EXTL3: variants seen among roughly 807,000 people sequenced by gnomAD.
EXTL3 encodes the protein exostosin like glycosyltransferase 3, also known as exostosin-like 3.
EXTL3 carries 27 observed loss-of-function variants against 69.3 expected under a neutral mutation model. That is an observed-to-expected ratio of 0.39 (90% CI 0.29 to 0.54). EXTL3 has a LOEUF of 0.54. EXTL3 is among the 20% of genes least tolerant of loss of function. EXTL3 has a pLI of 0.69. For synonymous variants in EXTL3, 511 were observed against 499.4 expected, an observed-to-expected ratio of 1.02 and a Z score of -0.31; for missense variants, 1,003 against 1,231.8, an observed-to-expected ratio of 0.81 and a Z score of 2.78.
intron 1 of EXTL3, among the ~76,000 whole-genome samples, chr8:28,638,906 C>T (rs1806698720): frequency 6.6e-6 from 1 of 151,560 alleles, no homozygotes; most frequent in Non-Finnish European, 1.5e-5. Flanking sequence ...ACTGGGATTA[C>T]AGGTGTGAGC....
At chr8:28,608,438 C>T (rs935379592) in intron 2 of EXTL3, among the ~76,000 whole-genome samples, 1 of 152,090 alleles carries the variant, frequency 6.6e-6, no homozygotes, top group Non-Finnish European at 1.5e-5. Context: ...CTTTGATTTA[C>T]CCAATCAACA....
rs35165519 is a variant in EXTL3, at chr8:28,715,973, G to T, written c.-87G>T. On this transcript the variant is annotated 5_prime_UTR_variant, in exon 3 of 7. Coordinates refer to ENST00000220562, the MANE Select transcript of EXTL3 (RefSeq NM_001440.4). ...CACTAACTCTTCTGGAAACGTGTCAGTGAAACAGAGATCGTTTTGTGGAAT... is the reference window on the plus strand; with the variant it reads ...CACTAACTCTTCTGGAAACGTGTCATTGAAACAGAGATCGTTTTGTGGAAT... 2 of 1,112,784 alleles carry T rather than the reference G, an allele frequency of 1.8e-6. No individual in the cohort carries two copies. The highest frequency in any genetic ancestry group is 1.3e-6 in the Non-Finnish European group (1 of 760,436). The allele number at this position is 1,112,784 out of a possible 1,614,324, so 68.9% of individuals were successfully genotyped here. A position where few individuals can be genotyped will look rare whatever the true frequency, so the allele number is the denominator to read the frequency against.
chr8:28,712,298 G>A (rs1268016015), intron 1 of EXTL3, among the ~76,000 whole-genome samples: 3 of 152,172 alleles, frequency 2.0e-5, no homozygotes, highest in Non-Finnish European at 4.4e-5. Context: ...GGGGAAGAGC[G>A]ATGGTAACTG....
At chr8:28,756,148 A>C (rs1473424252), downstream of EXTL3, among the ~76,000 whole-genome samples, 1 of 152,154 alleles carries the variant, frequency 6.6e-6, no homozygotes, top group East Asian at 1.9e-4. Context: ...CATTCTTTTG[A>C]GTTCTGACAA....
intron 1 of EXTL3, among the ~76,000 whole-genome samples, chr8:28,649,372 T>C (rs1806882640): frequency 6.6e-6 from 1 of 152,238 alleles, no homozygotes; most frequent in Non-Finnish European, 1.5e-5. Context: ...TTGCTTCTCC[T>C]CTGTCTCTAC....
chr8:28,747,663 T>C (rs185636953), intron 6 of EXTL3, among the ~76,000 whole-genome samples: 3 of 152,188 alleles, frequency 2.0e-5, no homozygotes, highest in African/African-American at 7.2e-5. Flanking sequence ...ACTTATTTAT[T>C]TATACATACA....
chr8:28,702,354 C>CGCGGGGCGTGTGTGCGCG (rs1469803061), intron 1 of EXTL3, among the ~76,000 whole-genome samples: 1 of 152,198 alleles, frequency 6.6e-6, no homozygotes, highest in Non-Finnish European at 1.5e-5. Flanking sequence ...GACAGGGGTG[C>CGCGGGGCGTGTGTGCGCG]GCGGGGCGTG....
chr8:28,718,230 G>C, intron 3 of EXTL3, 23 bp downstream of exon 3: 2 of 1,606,974 alleles, frequency 1.2e-6, no homozygotes, highest in South Asian at 2.2e-5. Flanking sequence ...CGAACAGTTC[G>C]TTTTGGTGCA....
At chr8:28,664,417 G>A (rs1453161626) in intron 1 of EXTL3, among the ~76,000 whole-genome samples, 2 of 152,044 alleles carry the variant, frequency 1.3e-5, no homozygotes, top group African/African-American at 4.8e-5. Flanking sequence ...GGGTCTTGCT[G>A]TGTCACCCAG....
chr8:28,738,745 A>C (rs542203026), intron 5 of EXTL3, among the ~76,000 whole-genome samples: 24 of 152,364 alleles, frequency 1.6e-4, no homozygotes, highest in South Asian at 8.3e-4. Context: ...GGCACAGGGC[A>C]GGTGTAGGGA....
chr8:28,671,781 G>A (rs1056915071), intron 1 of EXTL3, among the ~76,000 whole-genome samples: 3 of 152,200 alleles, frequency 2.0e-5, no homozygotes, highest in Non-Finnish European at 4.4e-5. Flanking sequence ...ACTTTGTGAG[G>A]AAAAGGGAAC....
At chr8:28,628,367 AT>A (rs1327190041) in intron 1 of EXTL3, among the ~76,000 whole-genome samples, 2 of 151,976 alleles carry the variant, frequency 1.3e-5, no homozygotes, top group African/African-American at 4.8e-5. Context: ...ATCTCAAAAA[AT>A]AAAAAGAAAT....
At chr8:28,675,634 G>A (rs576298736) in intron 1 of EXTL3, among the ~76,000 whole-genome samples, 239 of 152,294 alleles carry the variant, frequency 1.6e-3, no homozygotes, top group African/African-American at 5.7e-3. Flanking sequence ...CCCAGTAGGT[G>A]GAAGGAACAT....
chr8:28,711,973 G>A lies in EXTL3; in HGVS notation c.-569-1484G>A, dbSNP rs146420259. ...GGACACTGGGCTGGGTGCTGGCCAC[G>A]CAGCAGTGATCCAAACACAAAGGGT... is the stretch of plus-strand genomic sequence containing the variant. On this transcript the variant is annotated intron_variant, in intron 1 of 6. Coordinates refer to ENST00000220562, the MANE Select transcript of EXTL3 (RefSeq NM_001440.4). Among the ~76,000 whole-genome samples, 218 of 152,290 alleles carry A rather than the reference G, an allele frequency of 1.4e-3. 2 individuals carry two copies. Among genetic ancestry groups the A allele is most frequent in the African/African-American group, 4.9e-3 (205 of 41,564 alleles).
intron 1 of EXTL3, among the ~76,000 whole-genome samples, chr8:28,635,209 C>T (rs1806633763): frequency 6.6e-6 from 1 of 151,876 alleles, no homozygotes; most frequent in Non-Finnish European, 1.5e-5. Context: ...TTTTCTTTTC[C>T]TTTATGTGAA....
intron 5 of EXTL3, 37 bp from the exon 6 acceptor site, chr8:28,743,049 G>T: frequency 6.2e-7 from 1 of 1,613,360 alleles, no homozygotes; most frequent in Non-Finnish European, 8.5e-7. Flanking sequence ...CCTGTGTCTT[G>T]TAACAGAGCA....
At chr8:28,679,745 A>G (rs923631982) in intron 1 of EXTL3, among the ~76,000 whole-genome samples, 3 of 151,600 alleles carry the variant, frequency 2.0e-5, no homozygotes, top group Non-Finnish European at 2.9e-5. Context: ...AAAAAAAAAA[A>G]AGAATGTCCA....
intron 1 of EXTL3, among the ~76,000 whole-genome samples, chr8:28,632,108 A>AG: frequency 6.8e-6 from 1 of 146,680 alleles, no homozygotes; most frequent in African/African-American, 2.5e-5. Flanking sequence ...ACCCACCAAA[A>AG]AAAAAAATTT....
At chr8:28,727,764 C>T (rs544053662) in intron 3 of EXTL3, among the ~76,000 whole-genome samples, 1 of 152,318 alleles carries the variant, frequency 6.6e-6, no homozygotes, top group Non-Finnish European at 1.5e-5. Flanking sequence ...TGCTTCTCCC[C>T]ATTTAATGTG....
Sources: allele counts gnomAD v4.1 joint callset (sites outside exome capture counted in the v4.1 genomes callset), GRCh38; gene constraint gnomAD v4.1.1; transcripts MANE v1.5; gene names NCBI Gene and HGNC (gene_info 2026-07-23, HGNC 2026-07-21).